Variants in MBD3L1 observed in about 807,000 individuals in gnomAD.
MBD3L1 encodes the protein methyl-CpG-binding domain protein 3-like 1.
For missense variants in MBD3L1, 203 were observed against 230.1 expected, an observed-to-expected ratio of 0.88 and a Z score of 0.76; for synonymous variants, 84 against 85.1, an observed-to-expected ratio of 0.99 and a Z score of 0.07.
At chr19:8,833,283 CA>C (rs1299975813) in intron 1 of MBD3L1, 1 of 152,164 alleles carries the variant, frequency 6.6e-6, no homozygotes, top group Non-Finnish European at 1.5e-5. Flanking sequence ...CTTGCTTTCC[CA>C]AGGCAGAACA....
In MBD3L1 at chr19:8,842,958, C is replaced by T. The variant is rs754651524; in HGVS notation, c.280C>T (p.Gln94Ter). 6.2e-7 allele frequency: 1 copy of T among 1,614,092 alleles called. No individual in the cohort carries two copies. The highest frequency in any genetic ancestry group is 2.2e-5 in the East Asian group (1 of 44,888). The change falls in exon 3 of 3, where the codon CAA (glutamine) becomes TAA (stop). Residue 94 changes from glutamine to a stop codon, truncating the protein, a stop_gained. Coordinates refer to ENST00000595891, the MANE Select transcript of MBD3L1 (RefSeq NM_001393532.1). LOFTEE classifies it low-confidence loss of function (END_TRUNC). ...CACTTTGGATCTTGCCAATACCTTG[C>T]AAAAACTTGTCCCTAGTTACACAGG... is the stretch of plus-strand genomic sequence containing the variant. ...SSTLDLANTL[Q>*]KLVPSYTGGS...
intron 1 of MBD3L1, among the ~76,000 whole-genome samples, chr19:8,838,360 G>A (rs913774870): frequency 1.4e-5 from 2 of 146,294 alleles, no homozygotes; most frequent in Non-Finnish European, 1.5e-5. Context: ...AATCCCCAAA[G>A]GAATTGCTAA....
chr19:8,841,261 G>A (rs532220996), intron 2 of MBD3L1, among the ~76,000 whole-genome samples: 3 of 150,976 alleles, frequency 2.0e-5, no homozygotes, highest in Non-Finnish European at 4.4e-5. Context: ...TGAACTCCTG[G>A]CCTCAAGTGA....
chr19:8,834,853 G>A lies in MBD3L1; in HGVS notation c.-107+2331G>A, dbSNP rs115443279. Among the ~76,000 whole-genome samples the A allele has an allele frequency of 5.8e-3, 874 of 151,956 alleles. 6 individuals carry two copies. The highest frequency in any genetic ancestry group is 0.019 in the African/African-American group (782 of 41,446). On this transcript the variant is annotated intron_variant, in intron 1 of 2. Coordinates refer to ENST00000595891, the MANE Select transcript of MBD3L1 (RefSeq NM_001393532.1). ...AGATATGACATCAAAAACAGGTGGCGAAAGAAAAAATATATAAATTGGACT... is the reference window on the plus strand; with the variant it reads ...AGATATGACATCAAAAACAGGTGGCAAAAGAAAAAATATATAAATTGGACT...
intron 1 of MBD3L1, among the ~76,000 whole-genome samples, chr19:8,835,397 T>C (rs2044444966): frequency 6.6e-6 from 1 of 152,138 alleles, no homozygotes; most frequent in Non-Finnish European, 1.5e-5. Context: ...ACAAAGAAGA[T>C]ACACAAATGG....
At chr19:8,834,604 CA>C (rs34714268) in intron 1 of MBD3L1, among the ~76,000 whole-genome samples, 23,229 of 88,406 alleles carry the variant, frequency 0.26, 2,278 homozygotes, top group Admixed American at 0.38. Context: ...GAGACTCCAT[CA>C]AAAAAAAAAA....
intron 1 of MBD3L1, among the ~76,000 whole-genome samples, chr19:8,836,075 C>T (rs185147583): frequency 7.9e-5 from 12 of 152,102 alleles, no homozygotes; most frequent in South Asian, 6.2e-4. Flanking sequence ...ATAGTGGTGA[C>T]GATTGCGCAA....
intron 1 of MBD3L1, among the ~76,000 whole-genome samples, chr19:8,838,802 T>G (rs914599727): frequency 2.0e-5 from 3 of 152,294 alleles, no homozygotes; most frequent in Middle Eastern, 3.4e-3. Context: ...AGGGGCCATT[T>G]GCAAAGAGGC....
At chr19:8,842,183 A>G (rs1355539506) in intron 2 of MBD3L1, among the ~76,000 whole-genome samples, 1 of 151,974 alleles carries the variant, frequency 6.6e-6, no homozygotes, top group Non-Finnish European at 1.5e-5. Flanking sequence ...ACAAACAGCC[A>G]GGCATGGTGA....
At chr19:8,838,023 C>A (rs543639501) in intron 1 of MBD3L1, among the ~76,000 whole-genome samples, 1 of 151,602 alleles carries the variant, frequency 6.6e-6, no homozygotes, top group Admixed American at 6.6e-5. Flanking sequence ...CCGAGGCGGG[C>A]GGATCATGAC....
chr19:8,842,698 G>A lies in MBD3L1; in HGVS notation c.20G>A (p.Arg7Lys). ...AGTGTGATGGCCAAGAGTTCACAGA[G>A]GAAGCAACGTGACTGTGTAAACCAA... is the stretch of plus-strand genomic sequence containing the variant. The part of the protein sequence containing the change: MAKSSQ[R>K]KQRDCVNQCK... The change falls in exon 3 of 3, where the codon AGG becomes AAG. Residue 7 changes from arginine (R) to lysine (K), a missense_variant. Transcript: ENST00000595891. The A allele has an allele frequency of 6.2e-7, 1 of 1,613,934 alleles. No individual in the cohort carries two copies. The highest frequency in any genetic ancestry group is 1.1e-5 in the South Asian group (1 of 91,038).
rs536231082 is a variant in MBD3L1, at chr19:8,838,538, G to A, written c.-106-2377G>A. On this transcript the variant is annotated intron_variant, in intron 1 of 2. Transcript: ENST00000595891. ...TAACTCCTAGATAAGCACCAATATAGCACCTCAGCCACAGATGGCATGCCA... is the reference window on the plus strand; with the variant it reads ...TAACTCCTAGATAAGCACCAATATAACACCTCAGCCACAGATGGCATGCCA... Among the ~76,000 whole-genome samples the A allele has an allele frequency of 2.0e-4, 31 of 152,258 alleles. No homozygotes were observed. In the South Asian group the frequency reaches 3.5e-3, roughly 17 times the overall value.
chr19:8,835,418 C>G (rs1357107102), intron 1 of MBD3L1, among the ~76,000 whole-genome samples: 1 of 152,150 alleles, frequency 6.6e-6, no homozygotes, highest in Non-Finnish European at 1.5e-5. Flanking sequence ...CAAATATATA[C>G]ATGAAAAGAT....
rs138440304 is a variant in MBD3L1 at position 8,842,739 on chromosome 19, G to A, written c.61G>A (p.Gly21Ser). The A allele has an allele frequency of 6.2e-7, 1 of 1,614,176 alleles. No individual in the cohort carries two copies. Among genetic ancestry groups the A allele is most frequent in the Middle Eastern group, 1.6e-4 (1 of 6,062 alleles). The change falls in exon 3 of 3, where the codon GGC becomes AGC. Residue 21 changes from glycine (G) to serine (S), a missense_variant. Gly to Ser is a moderately conservative substitution (Grantham distance 56). Coordinates refer to ENST00000595891, the MANE Select transcript of MBD3L1 (RefSeq NM_001393532.1). ...TGTAAACCAATGCAAATCAAAGCCT[G>A]GCTTGAGCACCTCAATCCCTTTGAG... ...DCVNQCKSKP[G>S]LSTSIPLRMS...
At chr19:8,840,685 C>G (rs984900159) in intron 1 of MBD3L1, among the ~76,000 whole-genome samples, 2 of 152,086 alleles carry the variant, frequency 1.3e-5, no homozygotes, top group African/African-American at 4.8e-5. Context: ...TGGCAACTAA[C>G]GTCTTTGGGA....
At chr19:8,838,252 C>CAAAAAAAAAAAAAA (rs542318207) in intron 1 of MBD3L1, among the ~76,000 whole-genome samples, 120 of 11,830 alleles carry the variant, frequency 0.01, 50 homozygotes, top group Non-Finnish European at 0.016. Context: ...GACTCCATCT[C>CAAAAAAAAAAAAAA]AAAAAAAAAA....
Position 8,842,916 on chromosome 19 carries a change from G to T in MBD3L1, c.238G>T (p.Ala80Ser). Reference protein sequence around the residue: ...RLQGLQAYSSAGELSSTLDLA... With the variant: ...RLQGLQAYSSSGELSSTLDLA... ...GCAGGGACTCCAGGCTTACAGCAGT[G>T]CAGGAGAACTTTCAAGCACTTTGGA... Residue 80 changes from alanine (A) to serine (S), a missense_variant, in exon 3 of 3, where the codon GCA becomes TCA. Coordinates refer to ENST00000595891, the MANE Select transcript of MBD3L1 (RefSeq NM_001393532.1). 6.2e-7 allele frequency: 1 copy of T among 1,614,240 alleles called. No homozygotes were observed. Among genetic ancestry groups the T allele is most frequent in the South Asian group, 1.1e-5 (1 of 91,086 alleles).
chr19:8,842,503 G>C, intron 2 of MBD3L1, 155 bp from the exon 3 acceptor site: 1 of 587,392 alleles, frequency 1.7e-6, no homozygotes, highest in Non-Finnish European at 3.0e-6. Context: ...TTCTGTGCTT[G>C]ACTCAAATCT....
chr19:8,836,159 G>A (rs916317906), intron 1 of MBD3L1, among the ~76,000 whole-genome samples: 3 of 152,088 alleles, frequency 2.0e-5, no homozygotes, highest in African/African-American at 7.2e-5. Context: ...GAATATTATG[G>A]TAGCTCAATA....
Sources: allele counts gnomAD v4.1 joint callset (sites outside exome capture counted in the v4.1 genomes callset), GRCh38; gene constraint gnomAD v4.1.1; transcripts MANE v1.5; gene names NCBI Gene and HGNC (gene_info 2026-07-23, HGNC 2026-07-21).